The following MARCHF1 variants were observed in gnomAD, a reference collection of about 807,000 sequenced individuals.
The protein encoded by MARCHF1 is membrane associated ring-CH-type finger 1.
In MARCHF1, 40 loss-of-function variants were observed where a neutral mutation model predicts 54.2. The ratio of observed to expected loss-of-function variants is 0.74; its 90% CI spans 0.57 to 0.96. The LOEUF (loss-of-function observed/expected upper bound fraction) is 0.96, where lower values mean the gene tolerates loss of function less well. Among genes scored for constraint, MARCHF1 ranks in the 40% least tolerant of loss-of-function variants. The probability of loss-of-function intolerance (pLI) is 0.00; values close to 1 mark genes in which losing one functional copy is unlikely to be tolerated. For synonymous variants in MARCHF1, 236 were observed against 236.3 expected (o/e 1.00, Z 0.01); for missense variants, 586 against 656.5 (o/e 0.89, Z 1.17).
chr4:164,114,648 A>G (rs1169948118), intron 1 of MARCHF1, among the ~76,000 whole-genome samples: 2 of 151,764 alleles, frequency 1.3e-5, no homozygotes, highest in Non-Finnish European at 2.9e-5. Flanking sequence ...AAATGCAATA[A>G]GATTTACAAT....
intron 4 of MARCHF1, among the ~76,000 whole-genome samples, chr4:163,798,724 T>C (rs917039095): frequency 6.6e-6 from 1 of 151,956 alleles, no homozygotes; most frequent in Non-Finnish European, 1.5e-5. Flanking sequence ...GATGGAATAT[T>C]TAGTGAAACA....
chr4:163,972,415 A>G (rs1752564329), intron 3 of MARCHF1, among the ~76,000 whole-genome samples: 1 of 152,222 alleles, frequency 6.6e-6, no homozygotes, highest in Admixed American at 6.5e-5. Context: ...AATGCTGCCA[A>G]AAGGATTTTA....
intron 1 of MARCHF1, among the ~76,000 whole-genome samples, chr4:164,242,047 G>C (rs1303621852): frequency 6.6e-6 from 1 of 152,226 alleles, no homozygotes; most frequent in Admixed American, 6.5e-5. Context: ...AGCGAGGCAG[G>C]GGGAGGGGCG....
At chr4:164,231,169 T>C (rs750455386) in intron 1 of MARCHF1, among the ~76,000 whole-genome samples, 23 of 152,146 alleles carry the variant, frequency 1.5e-4, no homozygotes, top group Non-Finnish European at 2.9e-4. Context: ...CTATGTTGTT[T>C]TGATGAAGAA....
intron 5 of MARCHF1, chr4:163,613,693 T>C: frequency 2.6e-6 from 2 of 780,316 alleles, no homozygotes; most frequent in Non-Finnish European, 3.1e-6. Context: ...AATAGCTCAA[T>C]TTGCTTTGGA....
intron 5 of MARCHF1, among the ~76,000 whole-genome samples, chr4:163,620,843 A>C (rs1441751405): frequency 6.6e-6 from 1 of 152,018 alleles, no homozygotes; most frequent in Non-Finnish European, 1.5e-5. Flanking sequence ...ATCATTGGAA[A>C]CCTTTATTTC....
At chr4:164,377,056 T>C (rs997838701) in intron 1 of MARCHF1, among the ~76,000 whole-genome samples, 1 of 152,192 alleles carries the variant, frequency 6.6e-6, no homozygotes, top group Non-Finnish European at 1.5e-5. Context: ...CAAGAATCTA[T>C]TCCAGGCATT....
intron 1 of MARCHF1, among the ~76,000 whole-genome samples, chr4:164,300,950 A>G (rs6829291): frequency 0.014 from 2,149 of 152,322 alleles, 47 homozygotes; most frequent in African/African-American, 0.049. Flanking sequence ...AGGATAAGGA[A>G]GATCTGAGTA....
intron 3 of MARCHF1, among the ~76,000 whole-genome samples, chr4:163,924,594 A>C (rs750675061): frequency 6.6e-6 from 1 of 152,032 alleles, no homozygotes; most frequent in East Asian, 1.9e-4. Context: ...ACAAGAATTT[A>C]TCTTATGACC....
intron 3 of MARCHF1, among the ~76,000 whole-genome samples, chr4:163,952,115 T>G (rs183705646): frequency 6.6e-6 from 1 of 152,302 alleles, no homozygotes; most frequent in Non-Finnish European, 1.5e-5. Flanking sequence ...CAAGTAAGCA[T>G]CAGGCCATGA....
intron 3 of MARCHF1, among the ~76,000 whole-genome samples, chr4:163,888,603 G>C (rs571878859): frequency 1.3e-5 from 2 of 152,152 alleles, no homozygotes; most frequent in Non-Finnish European, 2.9e-5. Flanking sequence ...ATTTCTCACT[G>C]TTAACTGATA....
Position 163,640,892 on chromosome 4 carries a change from C to T in MARCHF1, c.163-27499G>A, listed in dbSNP as rs113370959. On this transcript the variant is annotated intron_variant, in intron 5 of 9. Transcript: ENST00000514618. Reference sequence around the variant, plus strand: ...TTGGTTATTGACATATTATCTATCGCGAAGAGAATATTTATTTTCCATTTC... The same window carrying T: ...TTGGTTATTGACATATTATCTATCGTGAAGAGAATATTTATTTTCCATTTC... Among the ~76,000 whole-genome samples the T allele has an allele frequency of 1.6e-3, 243 of 151,810 alleles. 3 individuals carry two copies. The highest frequency in any genetic ancestry group is 5.5e-3 in the African/African-American group (227 of 41,392).
intron 2 of MARCHF1, among the ~76,000 whole-genome samples, chr4:163,991,375 T>C (rs1046724994): frequency 5.9e-5 from 9 of 152,198 alleles, no homozygotes; most frequent in Non-Finnish European, 2.9e-5. Context: ...CTTGGAACAC[T>C]GAATACACAT....
At chr4:163,826,354 T>C (rs1748847260) in intron 4 of MARCHF1, among the ~76,000 whole-genome samples, 1 of 152,066 alleles carries the variant, frequency 6.6e-6, no homozygotes. Context: ...TTCTTCCTTT[T>C]GGTTTAGAAA....
At chr4:163,592,913 T>A (rs1377964584) in intron 7 of MARCHF1, among the ~76,000 whole-genome samples, 3 of 151,944 alleles carry the variant, frequency 2.0e-5, no homozygotes, top group Non-Finnish European at 4.4e-5. Context: ...CCCCTAGGAG[T>A]CCCAGTCAGT....
At chr4:164,051,599 G>C (rs1215958888) in intron 2 of MARCHF1, among the ~76,000 whole-genome samples, 1 of 152,224 alleles carries the variant, frequency 6.6e-6, no homozygotes, top group South Asian at 2.1e-4. Context: ...GATGAGATAG[G>C]TATTAATATT....
At chr4:163,672,199 T>C (rs776189453) in intron 5 of MARCHF1, among the ~76,000 whole-genome samples, 1 of 152,220 alleles carries the variant, frequency 6.6e-6, no homozygotes, top group Non-Finnish European at 1.5e-5. Context: ...ATTCACCCCA[T>C]AGAAACAGTT....
intron 1 of MARCHF1, among the ~76,000 whole-genome samples, chr4:164,364,161 A>C (rs1730808280): frequency 6.6e-6 from 1 of 152,096 alleles, no homozygotes; most frequent in Admixed American, 6.6e-5. Flanking sequence ...AAACATTTTT[A>C]ATAACCTTTA....
intron 3 of MARCHF1, among the ~76,000 whole-genome samples, chr4:163,872,523 A>G (rs1205324174): frequency 6.6e-6 from 1 of 152,170 alleles, no homozygotes; most frequent in Admixed American, 6.5e-5. Context: ...TTGTTTTGGA[A>G]GAGATTATTT....
Sources: allele counts gnomAD v4.1 joint callset (sites outside exome capture counted in the v4.1 genomes callset), GRCh38; gene constraint gnomAD v4.1.1; transcripts MANE v1.5; gene names NCBI Gene and HGNC (gene_info 2026-07-23, HGNC 2026-07-21).